EYS: variants seen among roughly 807,000 people sequenced by gnomAD.
EYS encodes the protein protein eyes shut homolog.
Under a neutral mutation model 282.1 loss-of-function variants are expected in EYS, and 250 were observed. The ratio of observed to expected loss-of-function variants is 0.89; its 90% CI spans 0.80 to 0.98. The LOEUF is 0.98. Among genes scored for constraint, EYS ranks in the 50% least tolerant of loss-of-function variants. EYS has a pLI of 0.00. For synonymous variants in EYS, 1,355 were observed against 1,282.9 expected, an observed-to-expected ratio of 1.06 and a Z score of -1.20; for missense variants, 4,016 against 3,709.0, an observed-to-expected ratio of 1.08 and a Z score of -2.15.
intron 31 of EYS, among the ~76,000 whole-genome samples, chr6:64,155,977 T>C (rs1282181279): frequency 6.6e-6 from 1 of 151,286 alleles, no homozygotes; most frequent in Non-Finnish European, 1.5e-5. Context: ...AAACATATCA[T>C]TTATATATAT....
chr6:65,341,401 C>G (rs1376677274), intron 10 of EYS, among the ~76,000 whole-genome samples: 1 of 151,138 alleles, frequency 6.6e-6, no homozygotes, highest in Non-Finnish European at 1.5e-5. Context: ...ACATATCTCT[C>G]TAATTGGCAT....
At chr6:65,043,111 C>T (rs1215115588) in intron 13 of EYS, among the ~76,000 whole-genome samples, 2 of 151,346 alleles carry the variant, frequency 1.3e-5, no homozygotes. Flanking sequence ...TAACTGTATA[C>T]ATCATGGGGT....
At chr6:64,808,676 T>C (rs1764508192) in intron 22 of EYS, among the ~76,000 whole-genome samples, 1 of 152,040 alleles carries the variant, frequency 6.6e-6, no homozygotes, top group Non-Finnish European at 1.5e-5. Flanking sequence ...TGTTGATATC[T>C]GTGCTAACTA....
chr6:64,979,123 T>C (rs1770570393), intron 14 of EYS, among the ~76,000 whole-genome samples: 1 of 151,686 alleles, frequency 6.6e-6, no homozygotes, highest in Non-Finnish European at 1.5e-5. Context: ...ATAAGATAAA[T>C]CTTTTGTGAA....
intron 12 of EYS, among the ~76,000 whole-genome samples, chr6:65,259,846 T>C (rs569531427): frequency 5.3e-5 from 8 of 152,146 alleles, no homozygotes; most frequent in African/African-American, 1.7e-4. Context: ...CCAGGATACA[T>C]AGTGACACTC....
chr6:64,093,109 C>CTATA (rs1206820314), intron 31 of EYS, among the ~76,000 whole-genome samples: 12 of 152,092 alleles, frequency 7.9e-5, no homozygotes, highest in African/African-American at 1.9e-4. Flanking sequence ...TTCCATTGGT[C>CTATA]TATATCTCTG....
At chr6:64,372,128 G>GTTTTTTTTTTT (rs1772393641) in intron 29 of EYS, among the ~76,000 whole-genome samples, 1 of 75,960 alleles carries the variant, frequency 1.3e-5, no homozygotes, top group African/African-American at 7.6e-5. Context: ...CTGTATACTT[G>GTTTTTTTTTTT]TGTTTTTTTT....
intron 26 of EYS, among the ~76,000 whole-genome samples, chr6:64,535,271 C>G (rs1562046793): frequency 6.6e-6 from 1 of 152,140 alleles, no homozygotes; most frequent in Non-Finnish European, 1.5e-5. Context: ...CCTTAGAATA[C>G]TACTGTTTCT....
chr6:63,729,278 C>T (rs1485072084), intron 41 of EYS, among the ~76,000 whole-genome samples: 2 of 152,064 alleles, frequency 1.3e-5, no homozygotes, highest in Non-Finnish European at 2.9e-5. Flanking sequence ...CTTGTATTCT[C>T]ACTCTCTTTC....
intron 31 of EYS, among the ~76,000 whole-genome samples, chr6:64,222,077 C>G (rs919264885): frequency 6.6e-6 from 1 of 152,044 alleles, no homozygotes; most frequent in Non-Finnish European, 1.5e-5. Flanking sequence ...TGCCTCATAT[C>G]TCTTCATATT....
chr6:64,133,654 T>C (rs927290900), intron 31 of EYS, among the ~76,000 whole-genome samples: 1 of 152,090 alleles, frequency 6.6e-6, no homozygotes, highest in Non-Finnish European at 1.5e-5. Flanking sequence ...TTTACCATTA[T>C]TCAATTATCA....
rs796140001 is a variant in EYS at position 64,752,119 on chromosome 6, G to T, written c.3443+61259C>A. Among the ~76,000 whole-genome samples the T allele has an allele frequency of 7.2e-5, 11 of 151,826 alleles. No homozygotes were observed. The South Asian group carries it at 1.3e-3, about 17-fold the overall frequency. On this transcript the variant is annotated intron_variant, in intron 22 of 42. Coordinates refer to ENST00000503581, the MANE Select transcript of EYS (RefSeq NM_001142800.2). ...ACAAACCGTGTTACAAGCCCTCAAAGGTTACTCTAACTCTTCAGCAATGGA... is the reference window on the plus strand; with the variant it reads ...ACAAACCGTGTTACAAGCCCTCAAATGTTACTCTAACTCTTCAGCAATGGA...
At position 64,670,529 on chromosome 6, in the gene EYS, G is replaced by A. The variant is rs1025795951; in HGVS notation, c.3444-44284C>T. 5.3e-5 allele frequency among the ~76,000 whole-genome samples: 8 copies of A among 152,034 alleles called. No homozygotes were observed. In the South Asian group the frequency reaches 1.5e-3, roughly 28 times the overall value. On this transcript the variant is annotated intron_variant, in intron 22 of 42. Transcript: ENST00000503581. ...CCTTTGCTTTATTATTATTGCATTC[G>A]CACAGCTTCAGTTGTTTACACTTCA...
intron 33 of EYS, among the ~76,000 whole-genome samples, chr6:64,006,246 A>G (rs1458623550): frequency 6.6e-6 from 1 of 151,980 alleles, no homozygotes; most frequent in East Asian, 1.9e-4. Context: ...ATAGGATTGC[A>G]TTATTGATTT....
At chr6:65,357,551 C>T (rs1764535932) in intron 8 of EYS, among the ~76,000 whole-genome samples, 1 of 151,958 alleles carries the variant, frequency 6.6e-6, no homozygotes, top group African/African-American at 2.4e-5. Context: ...CTGGTAGATT[C>T]ATTTTGGTTT....
At chr6:64,128,179 C>T (rs1773846937) in intron 31 of EYS, among the ~76,000 whole-genome samples, 1 of 152,052 alleles carries the variant, frequency 6.6e-6, no homozygotes, top group African/African-American at 2.4e-5. Context: ...ACGTTTTTAC[C>T]TGAGCAGTAC....
intron 26 of EYS, among the ~76,000 whole-genome samples, chr6:64,470,490 C>G (rs1294270152): frequency 6.6e-6 from 1 of 152,150 alleles, no homozygotes; most frequent in Non-Finnish European, 1.5e-5. Flanking sequence ...TCAAGATCTT[C>G]AACCACAGAC....
At chr6:64,375,647 A>G (rs1391749738) in intron 29 of EYS, among the ~76,000 whole-genome samples, 1 of 152,200 alleles carries the variant, frequency 6.6e-6, no homozygotes, top group Non-Finnish European at 1.5e-5. Context: ...AAATTGACTC[A>G]AGACAGTTTG....
At chr6:65,523,693 A>T (rs9445555) in intron 2 of EYS, among the ~76,000 whole-genome samples, 1,748 of 150,578 alleles carry the variant, frequency 0.012, 29 homozygotes, top group African/African-American at 0.039. Context: ...AACTTTTTTT[A>T]AAAAAAAGTT....
Sources: gnomAD v4.1 joint callset for allele counts (sites outside exome capture counted in the v4.1 genomes callset) on GRCh38, gnomAD v4.1.1 for gene constraint, MANE v1.5 for transcripts, NCBI Gene and HGNC (gene_info 2026-07-23, HGNC 2026-07-21) for gene names.